The following DNAJC1 variants were observed in gnomAD, a reference collection of about 807,000 sequenced individuals.
DNAJC1 encodes the protein dnaJ homolog subfamily C member 1.
In DNAJC1, 58 loss-of-function variants were observed where a neutral mutation model predicts 76.6. That is an observed-to-expected ratio of 0.76 (90% CI 0.61 to 0.94). The LOEUF is 0.94. DNAJC1 is among the 40% of genes least tolerant of loss of function. The pLI is 0.00. For missense variants in DNAJC1, 689 were observed against 677.3 expected (o/e 1.02, Z -0.19); for synonymous variants, 258 against 267.9 (o/e 0.96, Z 0.36).
At chr10:21,899,292 T>C (rs190251961) in intron 7 of DNAJC1, among the ~76,000 whole-genome samples, 8 of 152,292 alleles carry the variant, frequency 5.3e-5, no homozygotes, top group Admixed American at 5.2e-4. Context: ...AGGCAATTCA[T>C]CTGTACATAT....
Position 22,003,408 on chromosome 10 carries a change from C to T in DNAJC1, c.27G>A (p.Ala9=). Residue 9 remains alanine (A), a synonymous_variant, in exon 1 of 12, where the codon GCG becomes GCA. Transcript: ENST00000376980. The part of the protein sequence containing the change: MTAPCSQP[A]QLPGRRQLGL... ...CGAGCTGGCGGCGTCCAGGAAGCTG[C>T]GCCGGCTGGGAGCAAGGAGCCGTCA... 2 of 1,371,740 alleles carry T rather than the reference C, an allele frequency of 1.5e-6. No individual in the cohort carries two copies. The highest frequency in any genetic ancestry group is 1.9e-5 in the South Asian group (1 of 53,688). 85.0% of individuals were successfully genotyped at this position (1,371,740 alleles called of 1,614,324 possible).
At chr10:21,859,350 C>A (rs1483537942) in intron 8 of DNAJC1, among the ~76,000 whole-genome samples, 1 of 152,212 alleles carries the variant, frequency 6.6e-6, no homozygotes, top group East Asian at 1.9e-4. Flanking sequence ...TATTCAAACT[C>A]CTATGTAAAA....
At chr10:21,886,874 T>A (rs183306031) in intron 7 of DNAJC1, among the ~76,000 whole-genome samples, 1 of 152,136 alleles carries the variant, frequency 6.6e-6, no homozygotes, top group Non-Finnish European at 1.5e-5. Context: ...CAACACAGTA[T>A]TGGAAGTCCT....
At chr10:21,852,461 T>C (rs1835771762) in intron 8 of DNAJC1, among the ~76,000 whole-genome samples, 1 of 152,168 alleles carries the variant, frequency 6.6e-6, no homozygotes, top group African/African-American at 2.4e-5. Flanking sequence ...AAAAGGTTAA[T>C]TTTATGTTAT....
chr10:21,887,293 C>G (rs550451500), intron 7 of DNAJC1, among the ~76,000 whole-genome samples: 1 of 152,222 alleles, frequency 6.6e-6, no homozygotes, highest in Non-Finnish European at 1.5e-5. Flanking sequence ...GAATCAGTAT[C>G]ATTTAAATGG....
chr10:21,889,555 C>T (rs752550268), intron 7 of DNAJC1, among the ~76,000 whole-genome samples: 25 of 152,044 alleles, frequency 1.6e-4, no homozygotes, highest in Non-Finnish European at 2.8e-4. Context: ...ATATATACAA[C>T]AAACACAAGA....
intron 10 of DNAJC1, among the ~76,000 whole-genome samples, chr10:21,760,468 CT>C (rs1399924453): frequency 6.6e-6 from 1 of 152,168 alleles, no homozygotes; most frequent in Non-Finnish European, 1.5e-5. Flanking sequence ...CAAAGAATCA[CT>C]ACTTTTCAAT....
At chr10:21,808,841 T>C (rs1564793341) in intron 8 of DNAJC1, among the ~76,000 whole-genome samples, 1 of 152,198 alleles carries the variant, frequency 6.6e-6, no homozygotes, top group Non-Finnish European at 1.5e-5. Flanking sequence ...TACAGTAAAG[T>C]AATGGAAGAT....
intron 7 of DNAJC1, among the ~76,000 whole-genome samples, chr10:21,903,130 G>T (rs1394396742): frequency 6.6e-6 from 1 of 151,922 alleles, no homozygotes; most frequent in Non-Finnish European, 1.5e-5. Context: ...TTTTTATGTT[G>T]GCTAGGCTGG....
chr10:21,983,592 C>T (rs1409737319), intron 1 of DNAJC1, among the ~76,000 whole-genome samples: 2 of 151,902 alleles, frequency 1.3e-5, no homozygotes, highest in Non-Finnish European at 2.9e-5. Context: ...TGGTGGCACT[C>T]GCCTGTAAAT....
intron 8 of DNAJC1, among the ~76,000 whole-genome samples, chr10:21,820,558 A>G (rs542024741): frequency 4.6e-4 from 70 of 152,328 alleles, no homozygotes; most frequent in African/African-American, 1.6e-3. Context: ...CAAGCAATCA[A>G]TTCTACAGAA....
intron 1 of DNAJC1, among the ~76,000 whole-genome samples, chr10:21,948,833 T>A (rs1313009855): frequency 1.3e-5 from 2 of 152,172 alleles, no homozygotes; most frequent in African/African-American, 2.4e-5. Context: ...TGGGACAAGT[T>A]AAAAGTACCT....
intron 9 of DNAJC1, among the ~76,000 whole-genome samples, chr10:21,766,704 C>T (rs1384948184): frequency 1.3e-5 from 2 of 152,040 alleles, no homozygotes; most frequent in African/African-American, 2.4e-5. Context: ...GGCATGGTGG[C>T]TCATGCCTGC....
In DNAJC1 at chr10:21,820,930, C is replaced by T. The variant is rs187516100; in HGVS notation, c.979-14831G>A. Among the ~76,000 whole-genome samples the T allele has an allele frequency of 2.3e-3, 343 of 152,340 alleles. 3 individuals are homozygous for T. The highest frequency in any genetic ancestry group is 7.8e-3 in the African/African-American group (325 of 41,562). On this transcript the variant is annotated intron_variant, in intron 8 of 11. Coordinates refer to ENST00000376980, the MANE Select transcript of DNAJC1 (RefSeq NM_022365.4). ...ACGCCACCCTCCAGGAACCTCCACA[C>T]GTTCAGCTATCCTGAAGCCCTCTGA... is the stretch of plus-strand genomic sequence containing the variant.
chr10:21,775,322 T>A (rs1198022257), intron 9 of DNAJC1, among the ~76,000 whole-genome samples: 2 of 140,002 alleles, frequency 1.4e-5, no homozygotes, highest in Admixed American at 7.4e-5. Flanking sequence ...AAACGTTAAC[T>A]GCAAATGGCT....
intron 9 of DNAJC1, among the ~76,000 whole-genome samples, chr10:21,786,591 T>G (rs1270760829): frequency 6.6e-6 from 1 of 151,268 alleles, no homozygotes; most frequent in Non-Finnish European, 1.5e-5. Flanking sequence ...GTTCAAGTGA[T>G]TCTAATGCCT....
chr10:21,791,038 T>G (rs1046962839), intron 9 of DNAJC1, among the ~76,000 whole-genome samples: 2 of 152,110 alleles, frequency 1.3e-5, no homozygotes, highest in Non-Finnish European at 2.9e-5. Context: ...AGAAAAAAGA[T>G]ACTCCATGCA....
intron 6 of DNAJC1, among the ~76,000 whole-genome samples, chr10:21,913,593 A>C (rs1214612047): frequency 6.6e-6 from 1 of 152,214 alleles, no homozygotes. Context: ...GCTATTTTCC[A>C]GGTTACAGAA....
At chr10:21,812,525 C>G (rs748812479) in intron 8 of DNAJC1, among the ~76,000 whole-genome samples, 1 of 150,252 alleles carries the variant, frequency 6.7e-6, no homozygotes, top group Non-Finnish European at 1.5e-5. Context: ...TAAGTATTAC[C>G]AAATATTTTC....
Sources: allele counts gnomAD v4.1 joint callset (sites outside exome capture counted in the v4.1 genomes callset), GRCh38; gene constraint gnomAD v4.1.1; transcripts MANE v1.5; gene names NCBI Gene and HGNC (gene_info 2026-07-23, HGNC 2026-07-21).